Variants in RBM33 observed in about 807,000 individuals in gnomAD.
RBM33 encodes the protein RNA-binding protein 33.
In RBM33, 28 loss-of-function variants were observed where a neutral mutation model predicts 132.6. That is an observed-to-expected ratio of 0.21 (90% CI 0.16 to 0.29). RBM33 has a LOEUF of 0.29. Among genes scored for constraint, RBM33 ranks in the 10% least tolerant of loss-of-function variants. The pLI is 1.00. For synonymous variants in RBM33, 634 were observed against 593.0 expected (o/e 1.07, Z -1.01); for missense variants, 1,291 against 1,518.5 (o/e 0.85, Z 2.49).
intron 12 of RBM33, 72 bp downstream of exon 12, chr7:155,740,098 A>G (rs1801281367): frequency 2.1e-6 from 3 of 1,443,762 alleles, no homozygotes; most frequent in Non-Finnish European, 2.7e-6. Flanking sequence ...GAGGGGCATA[A>G]TATGTAGGTT....
At chr7:155,733,376 C>A (rs1801013167) in intron 9 of RBM33, among the ~76,000 whole-genome samples, 2 of 95,698 alleles carry the variant, frequency 2.1e-5, no homozygotes, top group South Asian at 5.8e-4. Flanking sequence ...CTTGCAGAAG[C>A]TTTAACTTGG....
intron 6 of RBM33, among the ~76,000 whole-genome samples, chr7:155,703,783 A>T (rs1055338032): frequency 6.6e-6 from 1 of 152,182 alleles, no homozygotes; most frequent in African/African-American, 2.4e-5. Context: ...ACATTTTTAC[A>T]CATCAGTTTA....
At chr7:155,645,267 AGTGTCACTTAG>A in intron 1 of RBM33, 1 of 244,142 alleles carries the variant, frequency 4.1e-6, no homozygotes, top group Non-Finnish European at 7.9e-6. Context: ...CCCCCGAGAC[AGTGTCACTTAG>A]GGAGAGCGGG....
At chr7:155,756,328 A>G (rs1801850083) in intron 14 of RBM33, among the ~76,000 whole-genome samples, 1 of 152,206 alleles carries the variant, frequency 6.6e-6, no homozygotes, top group Non-Finnish European at 1.5e-5. Flanking sequence ...AAATGGGTAG[A>G]TTTAATTTGG....
chr7:155,697,582 T>TTG lies in RBM33; in HGVS notation c.568-3174_568-3173dup, dbSNP rs142018198. Reference sequence around the variant, plus strand: ...TCTCTCTCTCTCTATATATATAGATTTGTGTGTGTGTGTGTGTGGTGTATG... The same window carrying TTG: ...TCTCTCTCTCTCTATATATATAGATTTGTGTGTGTGTGTGTGTGTGGTGTATG... On this transcript the variant is annotated intron_variant, in intron 5 of 17. Coordinates refer to ENST00000401878, the MANE Select transcript of RBM33 (RefSeq NM_053043.3). 5.4e-3 allele frequency among the ~76,000 whole-genome samples: 815 copies of TTG among 150,564 alleles called. 9 individuals are homozygous for TTG. The highest frequency in any genetic ancestry group is 0.016 in the African/African-American group (677 of 41,076).
In RBM33 at chr7:155,745,525, A is replaced by C. The variant is rs1168701749; in HGVS notation, c.2902A>C (p.Thr968Pro). The change falls in exon 14 of 18, where the codon ACG becomes CCG. Residue 968 changes from threonine to proline, a missense_variant. Around this residue, in one of 7 missense-constraint regions of RBM33, gnomAD observed 841 missense variants for 912.0 expected, o/e 0.92. Coordinates refer to ENST00000401878, the MANE Select transcript of RBM33 (RefSeq NM_053043.3). The surrounding 1 kb of genome is among the most constrained non-coding windows in gnomAD (Gnocchi z 4.1). The stretch of plus-strand genomic sequence containing the variant: ...AAAGCCTGGCGTGAAAAGGACTGTC[A>C]CGCACAGGACAAACAGTGGTGGTGG... The part of the protein sequence containing the change: ...DTKPGVKRTV[T>P]HRTNSGGGDG... The C allele has an allele frequency of 6.2e-7, 1 of 1,612,756 alleles. No homozygotes were observed. The highest frequency in any genetic ancestry group is 8.5e-7 in the Non-Finnish European group (1 of 1,179,442).
At chr7:155,721,742 A>T (rs1429685370) in intron 9 of RBM33, among the ~76,000 whole-genome samples, 1 of 152,158 alleles carries the variant, frequency 6.6e-6, no homozygotes, top group Non-Finnish European at 1.5e-5. Context: ...AAAATTATTT[A>T]AAATTATTCT....
chr7:155,774,774 A>G lies in RBM33; in HGVS notation c.3464+127A>G. 1 of 870,186 alleles carries G rather than the reference A, an allele frequency of 1.1e-6. No individual in the cohort carries two copies. 53.9% of individuals were successfully genotyped at this position (870,186 alleles called of 1,614,324 possible). A position where few individuals can be genotyped will look rare whatever the true frequency, so the allele number is the denominator to read the frequency against. On this transcript the variant is annotated intron_variant, in intron 17 of 17. Coordinates refer to ENST00000401878, the MANE Select transcript of RBM33 (RefSeq NM_053043.3). The surrounding 1 kb of genome is among the most constrained non-coding windows in gnomAD (Gnocchi z 4.2). ...TGTTCCTGTAGAAGGACACTAGGGC[A>G]CAAAGCGCAGACGGTGATCCTGTCA...
chr7:155,698,957 A>G (rs777273872), intron 5 of RBM33, among the ~76,000 whole-genome samples: 2 of 152,218 alleles, frequency 1.3e-5, no homozygotes, highest in South Asian at 2.1e-4. Flanking sequence ...TAGAATAAAC[A>G]TTTTCCTATA....
At chr7:155,739,605 A>G (rs760008206) in intron 11 of RBM33, 110 bp from the exon 12 acceptor site, 44 of 1,219,234 alleles carry the variant, frequency 3.6e-5, no homozygotes, top group Non-Finnish European at 4.9e-5. Context: ...AAGTTTTGGT[A>G]TCGCTGAAAG....
At chr7:155,651,032 C>T (rs759781582) in intron 1 of RBM33, among the ~76,000 whole-genome samples, 1 of 152,126 alleles carries the variant, frequency 6.6e-6, no homozygotes, top group Non-Finnish European at 1.5e-5. Flanking sequence ...CACATGCTAC[C>T]ACACCCAGCT....
chr7:155,669,841 A>AG (rs1464312714), intron 2 of RBM33, among the ~76,000 whole-genome samples: 1 of 151,996 alleles, frequency 6.6e-6, no homozygotes, highest in African/African-American at 2.4e-5. Context: ...GTGAGAGGGG[A>AG]GGGGCCGGTC....
intron 7 of RBM33, among the ~76,000 whole-genome samples, chr7:155,708,479 A>G (rs1800181149): frequency 6.6e-6 from 1 of 152,196 alleles, no homozygotes; most frequent in African/African-American, 2.4e-5. Flanking sequence ...GATCCTGGAA[A>G]AGTTGTTGAG....
At chr7:155,662,431 C>T (rs1477479067) in intron 1 of RBM33, among the ~76,000 whole-genome samples, 1 of 152,160 alleles carries the variant, frequency 6.6e-6, no homozygotes, top group Admixed American at 6.5e-5. Context: ...CTCTCCCTCA[C>T]TGTTTTTGGG....
At position 155,774,613 on chromosome 7, in the gene RBM33, G is replaced by A; in HGVS notation, c.3430G>A (p.Ala1144Thr). Residue 1144 changes from alanine to threonine, a missense_variant, in exon 17 of 18, where the codon GCC (alanine) becomes ACC (threonine). This residue lies in a region of RBM33 where 55 missense variants were observed against 101.4 expected (regional missense o/e 0.54). Coordinates refer to ENST00000401878, the MANE Select transcript of RBM33 (RefSeq NM_053043.3). The surrounding 1 kb of genome is among the most constrained non-coding windows in gnomAD (Gnocchi z 4.2). ...RKAIAKFKEP[A>T]HALAFQQKFH... ...AGCCATAGCTAAGTTCAAGGAGCCAGCCCACGCATTAGCATTTCAGCAGAA... is the reference window on the plus strand; with the variant it reads ...AGCCATAGCTAAGTTCAAGGAGCCAACCCACGCATTAGCATTTCAGCAGAA... The A allele has an allele frequency of 6.2e-7, 1 of 1,613,982 alleles. No individual in the cohort carries two copies. Among genetic ancestry groups the A allele is most frequent in the Non-Finnish European group, 8.5e-7 (1 of 1,179,864 alleles).
intron 5 of RBM33, among the ~76,000 whole-genome samples, chr7:155,695,238 A>G (rs536805066): frequency 1.3e-5 from 2 of 152,168 alleles, no homozygotes; most frequent in East Asian, 1.9e-4. Flanking sequence ...ATTTGTTTCT[A>G]TATATGCTAT....
Position 155,665,262 on chromosome 7 carries a change from AC to A in RBM33, c.122+12del. On this transcript the variant is annotated intron_variant, in intron 2 of 17. Coordinates refer to ENST00000401878, the MANE Select transcript of RBM33 (RefSeq NM_053043.3). ...GATGAGGACTGGGACAGGTACGTGC[AC>A]CCTGTGCTTCACCTAACTGCCTGTG... 6.2e-7 allele frequency: 1 copy of A among 1,612,212 alleles called. No individual in the cohort carries two copies. The highest frequency in any genetic ancestry group is 1.7e-5 in the Admixed American group (1 of 60,002).
At chr7:155,674,662 A>T (rs1799126910) in intron 3 of RBM33, among the ~76,000 whole-genome samples, 1 of 152,206 alleles carries the variant, frequency 6.6e-6, no homozygotes, top group Non-Finnish European at 1.5e-5. Context: ...TTGGACAGTA[A>T]TGCTGACTGT....
intron 1 of RBM33, among the ~76,000 whole-genome samples, chr7:155,655,534 C>CTTTTTTTTTTTTTTTTTTTT (rs756948005): frequency 2.5e-5 from 2 of 80,112 alleles, no homozygotes; most frequent in Non-Finnish European, 4.4e-5. Flanking sequence ...GGCTGTTTGC[C>CTTTTTTTTTTTTTTTTTTTT]TTTTTTTTTT....
Sources: gnomAD v4.1 joint callset for allele counts (sites outside exome capture counted in the v4.1 genomes callset) on GRCh38, gnomAD v4.1.1 for gene constraint, gnomAD v4.1.1 regional missense constraint, Gnocchi (gnomAD v3.1) non-coding constraint, MANE v1.5 for transcripts, NCBI Gene and HGNC (gene_info 2026-07-23, HGNC 2026-07-21) for gene names.